Variants in FRMPD4 observed in about 807,000 individuals in gnomAD.
FRMPD4 encodes FERM and PDZ domain containing 4, also known as FERM and PDZ domain-containing protein 4.
FRMPD4 carries 22 observed loss-of-function variants against 94.1 expected under a neutral mutation model. The ratio of observed to expected loss-of-function variants is 0.23; its 90% CI spans 0.17 to 0.33. The LOEUF (loss-of-function observed/expected upper bound fraction) is 0.33. Ranked by LOEUF, FRMPD4 falls within the 10% of genes least tolerant of loss-of-function variation. The pLI, the probability that FRMPD4 is intolerant of heterozygous loss-of-function variation, is 1.00. For missense variants in FRMPD4, 1,111 were observed against 1,339.9 expected, an observed-to-expected ratio of 0.83 and a Z score of 2.67; for synonymous variants, 631 against 548.6, an observed-to-expected ratio of 1.15 and a Z score of -2.10.
At chrX:12,552,947 G>C (rs1213874836) in intron 2 of FRMPD4, among the ~76,000 whole-genome samples, 2 of 111,886 alleles carry the variant, frequency 1.8e-5, no homozygotes, top group Non-Finnish European at 3.8e-5. Context: ...CCTGAGCCCA[G>C]GAGTTTGAGA....
intron 1 of FRMPD4, among the ~76,000 whole-genome samples, chrX:12,309,035 G>A (rs1008085224): frequency 2.7e-5 from 3 of 112,456 alleles, no homozygotes; most frequent in African/African-American, 6.5e-5. Context: ...AAAGGACTAC[G>A]GAGTAAATAT....
intron 2 of FRMPD4, among the ~76,000 whole-genome samples, chrX:12,523,375 T>C (rs1388703850): frequency 8.9e-6 from 1 of 112,407 alleles, no homozygotes; most frequent in Non-Finnish European, 1.9e-5. Context: ...TTGACACTCA[T>C]TCTTTTGGTT....
At chrX:12,579,088 C>T (rs1326444128) in intron 2 of FRMPD4, among the ~76,000 whole-genome samples, 1 of 112,110 alleles carries the variant, frequency 8.9e-6, no homozygotes, top group African/African-American at 3.2e-5. Flanking sequence ...AATATTTCAT[C>T]CAAGGTATAG....
intron 3 of FRMPD4, among the ~76,000 whole-genome samples, chrX:11,975,528 G>T (rs1308062314): frequency 8.9e-6 from 1 of 112,225 alleles, no homozygotes; most frequent in African/African-American, 3.2e-5. Context: ...ATTCATACTT[G>T]CTTTCTGAAC....
At chrX:12,348,903 A>G (rs2055757262) in intron 1 of FRMPD4, among the ~76,000 whole-genome samples, 1 of 112,560 alleles carries the variant, frequency 8.9e-6, no homozygotes, top group Non-Finnish European at 1.9e-5. Context: ...CCAAGGAAGC[A>G]AGCTATAAAA....
chrX:12,195,750 C>T (rs2056560028), intron 1 of FRMPD4, among the ~76,000 whole-genome samples: 1 of 112,070 alleles, frequency 8.9e-6, no homozygotes, highest in African/African-American at 3.2e-5. Flanking sequence ...GCCGATCCTT[C>T]TGAAGATAAT....
chrX:12,301,777 T>G (rs73496844), intron 1 of FRMPD4, among the ~76,000 whole-genome samples: 2,446 of 112,243 alleles, frequency 0.022, 57 homozygotes, highest in African/African-American at 0.072. Context: ...TTGTGAAATA[T>G]CCCTAGTAAG....
intron 1 of FRMPD4, among the ~76,000 whole-genome samples, chrX:11,865,006 T>G (rs986722137): frequency 8.9e-6 from 1 of 111,810 alleles, no homozygotes; most frequent in African/African-American, 3.3e-5. Flanking sequence ...TAAAACTGAG[T>G]GAATTATGCT....
chrX:12,294,262 A>C (rs1461189749), intron 1 of FRMPD4, among the ~76,000 whole-genome samples: 1 of 111,501 alleles, frequency 9.0e-6, no homozygotes, highest in East Asian at 2.8e-4. Flanking sequence ...CCATATGATG[A>C]AATAAAATGC....
At chrX:12,664,863 T>G (rs1451034400) in intron 4 of FRMPD4, among the ~76,000 whole-genome samples, 1 of 112,109 alleles carries the variant, frequency 8.9e-6, no homozygotes, top group Non-Finnish European at 1.9e-5. Context: ...GGCTACTAAT[T>G]ACTGCCTCAA....
At chrX:12,409,827 G>A (rs954131284) in intron 1 of FRMPD4, among the ~76,000 whole-genome samples, 4 of 111,473 alleles carry the variant, frequency 3.6e-5, no homozygotes, top group African/African-American at 6.5e-5. Flanking sequence ...GTTACTGTTC[G>A]TGGGGGTAGG....
At chrX:12,531,817 C>T (rs745718725) in intron 2 of FRMPD4, among the ~76,000 whole-genome samples, 1 of 111,633 alleles carries the variant, frequency 9.0e-6, no homozygotes, top group East Asian at 2.8e-4. Context: ...GCATGGGTAG[C>T]TCCAACATGC....
intron 2 of FRMPD4, among the ~76,000 whole-genome samples, chrX:12,571,226 CACA>C (rs923716387): frequency 5.3e-5 from 6 of 112,404 alleles, no homozygotes; most frequent in Non-Finnish European, 5.6e-5. Flanking sequence ...CACAAATGAT[CACA>C]ACAATAAAAT....
intron 2 of FRMPD4, among the ~76,000 whole-genome samples, chrX:12,602,894 C>G (rs1017919895): frequency 8.9e-6 from 1 of 112,023 alleles, no homozygotes; most frequent in Non-Finnish European, 1.9e-5. Context: ...ATGGGACATG[C>G]TTAGGGCAAT....
chrX:11,874,861 A>C (rs1050065348), intron 2 of FRMPD4, among the ~76,000 whole-genome samples: 3 of 111,423 alleles, frequency 2.7e-5, no homozygotes, highest in African/African-American at 6.5e-5. Flanking sequence ...GGGAATATTG[A>C]AAAAAAACAA....
chrX:12,614,693 C>T, intron 3 of FRMPD4, 86 bp from the exon 4 acceptor site: 1 of 512,930 alleles, frequency 1.9e-6, no homozygotes, highest in Non-Finnish European at 3.4e-6. Context: ...GCACCATTTG[C>T]TCACAGTGAA....
chrX:12,441,697 G>T (rs761527704), intron 1 of FRMPD4, among the ~76,000 whole-genome samples: 6 of 112,180 alleles, frequency 5.3e-5, no homozygotes, highest in Admixed American at 1.9e-4. Flanking sequence ...GAGTGTTTGG[G>T]AATAAATGAA....
intron 3 of FRMPD4, among the ~76,000 whole-genome samples, chrX:12,070,259 CACA>C (rs2147470368): frequency 9.0e-6 from 1 of 110,562 alleles, no homozygotes; most frequent in Non-Finnish European, 1.9e-5. Context: ...CACATGCATT[CACA>C]ACAATTTACA....
At chrX:12,136,148 C>T (rs923216786), upstream of FRMPD4, among the ~76,000 whole-genome samples, 1 of 111,110 alleles carries the variant, frequency 9.0e-6, no homozygotes, top group Non-Finnish European at 1.9e-5. Context: ...GATGCTTGGC[C>T]AGCTTTGGTT....
Sources: gnomAD v4.1 joint callset for allele counts (sites outside exome capture counted in the v4.1 genomes callset) on GRCh38, gnomAD v4.1.1 for gene constraint, MANE v1.5 for transcripts, NCBI Gene and HGNC (gene_info 2026-07-23, HGNC 2026-07-21) for gene names.